Variants in FAM81B observed in about 807,000 individuals in gnomAD.
The protein encoded by FAM81B is family with sequence similarity 81 member B.
A neutral mutation model predicts 58.7 loss-of-function variants in FAM81B; 60 were observed. The ratio of observed to expected loss-of-function variants is 1.02; its 90% CI spans 0.83 to 1.27. FAM81B has a LOEUF of 1.27. Among genes scored for constraint, FAM81B ranks in the 50% most tolerant of loss-of-function variants. The pLI is 0.00. For synonymous variants in FAM81B, 189 were observed against 179.6 expected (o/e 1.05, Z -0.42); for missense variants, 491 against 522.0 (o/e 0.94, Z 0.58).
At chr5:95,412,574 C>A (rs1383819774) in intron 3 of FAM81B, among the ~76,000 whole-genome samples, 1 of 152,082 alleles carries the variant, frequency 6.6e-6, no homozygotes, top group Admixed American at 6.5e-5. Flanking sequence ...GAATTTTTCA[C>A]CATATGCATT....
chr5:95,407,391 T>TAC (rs36079913), intron 3 of FAM81B, among the ~76,000 whole-genome samples: 4,619 of 139,656 alleles, frequency 0.033, 202 homozygotes, highest in African/African-American at 0.091. Flanking sequence ...TGTTCTCTTT[T>TAC]ACACACACAC....
intron 9 of FAM81B, 115 bp downstream of exon 9, chr5:95,448,579 T>A: frequency 2.1e-6 from 2 of 953,534 alleles, no homozygotes; most frequent in Non-Finnish European, 3.1e-6. Context: ...GACATCGTTA[T>A]GTATTTATTC....
In FAM81B at chr5:95,436,857, A is replaced by G; in HGVS notation, c.844A>G (p.Lys282Glu). The G allele has an allele frequency of 6.2e-7, 1 of 1,614,052 alleles. No individual in the cohort carries two copies. ...TASSEQTSNLKMVQGDYRHEM... is the reference protein window; with the variant it reads ...TASSEQTSNLEMVQGDYRHEM... ...CAGTTCTGAGCAAACCTCGAATTTA[A>G]AGATGGTCCAGGGGGATTATCGCCA... The change falls in exon 7 of 10, where the codon AAG (lysine) becomes GAG (glutamate). Residue 282 changes from lysine (K) to glutamate (E), a missense_variant. By Grantham distance (56) the Lys-to-Glu change is moderately conservative. Coordinates refer to ENST00000283357, the MANE Select transcript of FAM81B (RefSeq NM_152548.3).
At chr5:95,445,960 A>G (rs1356731096) in intron 7 of FAM81B, among the ~76,000 whole-genome samples, 1 of 152,176 alleles carries the variant, frequency 6.6e-6, no homozygotes, top group Non-Finnish European at 1.5e-5. Flanking sequence ...CACAGCTAAG[A>G]ATGGCTTCTA....
At chr5:95,394,522 T>A (rs1411481208) in intron 2 of FAM81B, among the ~76,000 whole-genome samples, 1 of 152,164 alleles carries the variant, frequency 6.6e-6, no homozygotes. Context: ...ACTGTTTCAG[T>A]GGGAAACAGG....
intron 7 of FAM81B, among the ~76,000 whole-genome samples, chr5:95,439,252 ATATATATATATATG>A (rs1315318606): frequency 7.0e-6 from 1 of 142,382 alleles, no homozygotes; most frequent in African/African-American, 2.6e-5. Context: ...ATATATATAT[ATATATATATATATG>A]TATATTTTAA....
chr5:95,420,801 A>G (rs1380227977), intron 5 of FAM81B, among the ~76,000 whole-genome samples: 1 of 152,256 alleles, frequency 6.6e-6, no homozygotes, highest in East Asian at 1.9e-4. Flanking sequence ...AAATGGATAA[A>G]GTTTTGAATA....
At chr5:95,441,139 A>G (rs1244962657) in intron 7 of FAM81B, among the ~76,000 whole-genome samples, 4 of 152,290 alleles carry the variant, frequency 2.6e-5, no homozygotes, top group African/African-American at 7.2e-5. Flanking sequence ...AAACCTGTCA[A>G]GACAGGTTGT....
At chr5:95,441,657 A>G (rs1240781817) in intron 7 of FAM81B, among the ~76,000 whole-genome samples, 1 of 152,216 alleles carries the variant, frequency 6.6e-6, no homozygotes, top group Non-Finnish European at 1.5e-5. Context: ...AAACATTTAC[A>G]AATTCAAGTT....
chr5:95,434,815 T>G (rs897876854), intron 6 of FAM81B, among the ~76,000 whole-genome samples: 9 of 152,274 alleles, frequency 5.9e-5, no homozygotes, highest in Non-Finnish European at 1.3e-4. Flanking sequence ...CCTTTTGATA[T>G]GTAATGTTTC....
At chr5:95,418,389 A>T (rs889315133) in intron 4 of FAM81B, among the ~76,000 whole-genome samples, 3 of 152,226 alleles carry the variant, frequency 2.0e-5, no homozygotes, top group African/African-American at 4.8e-5. Flanking sequence ...TTCTTGACTT[A>T]ATAAGGAAAA....
chr5:95,409,534 A>T, intron 3 of FAM81B, among the ~76,000 whole-genome samples: 1 of 149,282 alleles, frequency 6.7e-6, no homozygotes, highest in Non-Finnish European at 1.5e-5. Context: ...TTTACATTAT[A>T]TTTCTTTTGA....
intron 3 of FAM81B, among the ~76,000 whole-genome samples, chr5:95,409,828 A>C (rs1762360735): frequency 6.6e-6 from 1 of 152,196 alleles, no homozygotes; most frequent in Non-Finnish European, 1.5e-5. Context: ...CAGAAAGCAA[A>C]CAACCAACAG....
At chr5:95,417,409 A>C (rs1399185400) in intron 4 of FAM81B, among the ~76,000 whole-genome samples, 1 of 152,146 alleles carries the variant, frequency 6.6e-6, no homozygotes, top group Non-Finnish European at 1.5e-5. Context: ...CTGTGATCCC[A>C]GTGGTTTAGG....
At chr5:95,409,236 G>A (rs2152762559) in intron 3 of FAM81B, among the ~76,000 whole-genome samples, 1 of 152,220 alleles carries the variant, frequency 6.6e-6, no homozygotes, top group Non-Finnish European at 1.5e-5. Context: ...TCGGCTCACT[G>A]CAACCTCCAC....
rs144147818 is a variant in FAM81B at position 95,431,936 on chromosome 5, C to T, written c.786+3204C>T. On this transcript the variant is annotated intron_variant, in intron 6 of 9. Transcript: ENST00000283357. ...TCATTTTCATATGCAAAATTTCTCT[C>T]TCTTTTCTAATTGCTTTGACTAATA... Among the ~76,000 whole-genome samples the T allele has an allele frequency of 3.8e-3, 585 of 151,972 alleles. 1 individual carries two copies. The highest frequency in any genetic ancestry group is 6.4e-3 in the Non-Finnish European group (435 of 67,840).
chr5:95,403,663 C>T (rs1226162348), intron 3 of FAM81B, among the ~76,000 whole-genome samples: 2 of 152,156 alleles, frequency 1.3e-5, no homozygotes, highest in African/African-American at 4.8e-5. Context: ...CCTTTTTCCT[C>T]ATGATCACAA....
At chr5:95,417,550 T>G (rs948003814) in intron 4 of FAM81B, among the ~76,000 whole-genome samples, 7 of 152,228 alleles carry the variant, frequency 4.6e-5, no homozygotes, top group African/African-American at 1.7e-4. Context: ...TTATGTCTTT[T>G]GTTAATTTAT....
chr5:95,409,095 A>G (rs562860801), intron 3 of FAM81B, among the ~76,000 whole-genome samples: 1 of 152,360 alleles, frequency 6.6e-6, no homozygotes, highest in Admixed American at 6.5e-5. Context: ...TGTTACAATG[A>G]CATTTTAGAT....
Sources: gnomAD v4.1 joint callset for allele counts (sites outside exome capture counted in the v4.1 genomes callset) on GRCh38, gnomAD v4.1.1 for gene constraint, MANE v1.5 for transcripts, NCBI Gene and HGNC (gene_info 2026-07-23, HGNC 2026-07-21) for gene names.